Variants in SMAD2 observed in about 807,000 individuals in gnomAD.
The protein encoded by SMAD2 is SMAD family member 2.
Under a neutral mutation model 64.4 loss-of-function variants are expected in SMAD2, and 8 were observed. The observed-to-expected ratio is 0.12, with a 90% confidence interval of 0.07 to 0.22. SMAD2 has a LOEUF of 0.22. SMAD2 is among the 10% of genes least tolerant of loss of function. The pLI is 1.00. For synonymous variants in SMAD2, 203 were observed against 195.8 expected, an observed-to-expected ratio of 1.04 and a Z score of -0.31; for missense variants, 289 against 561.2, an observed-to-expected ratio of 0.51 and a Z score of 4.90.
intron 1 of SMAD2, among the ~76,000 whole-genome samples, chr18:47,908,147 A>G (rs2033978857): frequency 6.6e-6 from 1 of 152,220 alleles, no homozygotes; most frequent in African/African-American, 2.4e-5. Context: ...AAGTGACCAA[A>G]GATGTAAGCT....
At chr18:47,850,227 A>G (rs1211296991) in intron 7 of SMAD2, among the ~76,000 whole-genome samples, 1 of 43,056 alleles carries the variant, frequency 2.3e-5, no homozygotes, top group Non-Finnish European at 4.1e-5. Flanking sequence ...TATGTATAAT[A>G]TATATTATAT....
chr18:47,833,085 A>G lies in SMAD2; in HGVS notation c.*8742T>C, dbSNP rs906273466. 5.3e-6 allele frequency: 1 copy of G among 187,384 alleles called. No individual in the cohort carries two copies. The highest frequency in any genetic ancestry group is 1.1e-5 in the Non-Finnish European group (1 of 88,432). The allele number at this position is 187,384 out of a possible 1,614,324, so 11.6% of individuals were successfully genotyped here. A position where few individuals can be genotyped will look rare whatever the true frequency, so the allele number is the denominator to read the frequency against. ...ATAAAAATTAAAACAATTAAAAATT[A>G]GTCCCATAGTAACATGGTAAACAAC... On this transcript the variant is annotated 3_prime_UTR_variant, in exon 11 of 11. Coordinates refer to ENST00000262160, the MANE Select transcript of SMAD2 (RefSeq NM_005901.6).
chr18:47,837,561 C>CAAAAAAAA lies in SMAD2; in HGVS notation c.*4258_*4265dup, dbSNP rs59129117. ...TGGGCAACAGAGCGAGACTCCCTCTCAAAAAAAAAAAAAAAAAACAAAAAA... is the reference window on the plus strand; with the variant it reads ...TGGGCAACAGAGCGAGACTCCCTCTCAAAAAAAAAAAAAAAAAAAAAAAAAACAAAAAA... On this transcript the variant is annotated 3_prime_UTR_variant, in exon 11 of 11. Transcript: ENST00000262160. The CAAAAAAAA allele has an allele frequency of 1.7e-4, 26 of 154,988 alleles. No individual in the cohort carries two copies. The highest frequency in any genetic ancestry group is 6.4e-4 in the South Asian group (2 of 3,104). The allele number at this position is 154,988 out of a possible 1,614,324, so 9.6% of individuals were successfully genotyped here. A position where few individuals can be genotyped will look rare whatever the true frequency, so the allele number is the denominator to read the frequency against.
chr18:47,919,300 C>T (rs2034460619), intron 1 of SMAD2, among the ~76,000 whole-genome samples: 1 of 151,962 alleles, frequency 6.6e-6, no homozygotes, highest in Admixed American at 6.6e-5. Flanking sequence ...CCCCAACACA[C>T]TCTCCAGGAA....
intron 2 of SMAD2, among the ~76,000 whole-genome samples, chr18:47,871,690 T>C (rs1473001259): frequency 1.3e-5 from 2 of 152,160 alleles, no homozygotes; most frequent in East Asian, 3.9e-4. Flanking sequence ...GGCTGCAAAA[T>C]TTACCAGACT....
intron 10 of SMAD2, 118 bp from the exon 11 acceptor site, chr18:47,842,068 T>C: frequency 2.6e-6 from 3 of 1,149,278 alleles, no homozygotes; most frequent in South Asian, 2.6e-5. Flanking sequence ...GTGTATATAA[T>C]TTTGGACACG....
At chr18:47,908,095 C>A (rs1010445580) in intron 1 of SMAD2, among the ~76,000 whole-genome samples, 2 of 152,218 alleles carry the variant, frequency 1.3e-5, no homozygotes, top group African/African-American at 2.4e-5. Context: ...AAAGCTTCAA[C>A]ATGCCAATGC....
At chr18:47,899,099 A>G (rs2033570222) in intron 1 of SMAD2, among the ~76,000 whole-genome samples, 1 of 152,136 alleles carries the variant, frequency 6.6e-6, no homozygotes, top group Non-Finnish European at 1.5e-5. Flanking sequence ...ACACAAAAGG[A>G]AGAATAGCTA....
chr18:47,893,664 C>T (rs543401455), intron 2 of SMAD2, among the ~76,000 whole-genome samples: 1 of 152,220 alleles, frequency 6.6e-6, no homozygotes, highest in South Asian at 2.1e-4. Context: ...TCCCTGAATT[C>T]CAACTAAATT....
In SMAD2 at chr18:47,837,808, TTGG is replaced by T. The variant is rs776096237; in HGVS notation, c.*4016_*4018del. 5 of 232,922 alleles carry T rather than the reference TTGG, an allele frequency of 2.1e-5. No homozygotes were observed. The highest frequency in any genetic ancestry group is 4.2e-5 in the Non-Finnish European group (5 of 117,874). The allele number at this position is 232,922 out of a possible 1,614,324, so 14.4% of individuals were successfully genotyped here. A position where few individuals can be genotyped will look rare whatever the true frequency, so the allele number is the denominator to read the frequency against. The stretch of plus-strand genomic sequence containing the variant: ...ACAGACTAGATATCTAAAGAGATAC[TTGG>T]TGGGCAGGGGCTTGGGAGGGAAGGC... On this transcript the variant is annotated 3_prime_UTR_variant, in exon 11 of 11. Coordinates refer to ENST00000262160, the MANE Select transcript of SMAD2 (RefSeq NM_005901.6).
Position 47,836,002 on chromosome 18 carries a change from T to C in SMAD2, c.*5825A>G, listed in dbSNP as rs1412451785. On this transcript the variant is annotated 3_prime_UTR_variant, in exon 11 of 11. Transcript: ENST00000262160. ...GCATTATTCTTCCAAGGGACTCTTATATCTAAGCAATGGTGAAGTTCTGGA... is the reference window on the plus strand; with the variant it reads ...GCATTATTCTTCCAAGGGACTCTTACATCTAAGCAATGGTGAAGTTCTGGA... The C allele has an allele frequency of 1.9e-5, 4 of 211,828 alleles. No homozygotes were observed. The highest frequency in any genetic ancestry group is 7.1e-5 in the East Asian group (1 of 14,148). The allele number at this position is 211,828 out of a possible 1,614,324, so 13.1% of individuals were successfully genotyped here. A position where few individuals can be genotyped will look rare whatever the true frequency, so the allele number is the denominator to read the frequency against.
At chr18:47,849,414 G>A (rs1792686) in intron 7 of SMAD2, among the ~76,000 whole-genome samples, 74,127 of 151,510 alleles carry the variant, frequency 0.49, 19,482 homozygotes, top group East Asian at 0.81. Context: ...TTCCAAACAT[G>A]TAACAACCGA....
chr18:47,910,403 T>C (rs72914324), intron 1 of SMAD2, among the ~76,000 whole-genome samples: 104 of 152,350 alleles, frequency 6.8e-4, no homozygotes, highest in Non-Finnish European at 1.1e-3. Flanking sequence ...GTTCTAATTA[T>C]TGAAGGCTGC....
At position 47,839,291 on chromosome 18, in the gene SMAD2, G is replaced by A. The variant is rs1317939263; in HGVS notation, c.*2536C>T. ...ACAGTAATGCAAGAGTAACCACCAAGATCAGGACCTTCTACCACTTTCAGA... is the reference window on the plus strand; with the variant it reads ...ACAGTAATGCAAGAGTAACCACCAAAATCAGGACCTTCTACCACTTTCAGA... On this transcript the variant is annotated 3_prime_UTR_variant, in exon 11 of 11. Coordinates refer to ENST00000262160, the MANE Select transcript of SMAD2 (RefSeq NM_005901.6). 8.6e-6 allele frequency: 2 copies of A among 233,278 alleles called. No homozygotes were observed. The highest frequency in any genetic ancestry group is 1.1e-4 in the Admixed American group (2 of 17,780). 14.5% of individuals were successfully genotyped at this position (233,278 alleles called of 1,614,324 possible). A position where few individuals can be genotyped will look rare whatever the true frequency, so the allele number is the denominator to read the frequency against.
intron 2 of SMAD2, among the ~76,000 whole-genome samples, chr18:47,873,861 G>A (rs1053151416): frequency 6.6e-6 from 1 of 152,114 alleles, no homozygotes; most frequent in African/African-American, 2.4e-5. Context: ...GAACACTGCA[G>A]GGGGGTTGTT....
At chr18:47,867,382 A>ATAAGCAT (rs1031465043) in intron 5 of SMAD2, 3 of 152,132 alleles carry the variant, frequency 2.0e-5, no homozygotes, top group African/African-American at 7.2e-5. Flanking sequence ...TCTTCAATGA[A>ATAAGCAT]TAAGCATTAT....
chr18:47,886,923 CAAA>C (rs11432634), intron 2 of SMAD2: 12 of 126,480 alleles, frequency 9.5e-5, no homozygotes, highest in East Asian at 8.3e-4. Flanking sequence ...TGATTATATG[CAAA>C]AAAAAAAAAA....
chr18:47,869,164 TGGG>T (rs2031775602), intron 4 of SMAD2, 76 bp downstream of exon 4: 7 of 1,000,924 alleles, frequency 7.0e-6, no homozygotes, highest in Non-Finnish European at 3.1e-6. Flanking sequence ...AAAATTTTCC[TGGG>T]TCACAAGAGT....
At chr18:47,913,336 T>G (rs1432716982) in intron 1 of SMAD2, among the ~76,000 whole-genome samples, 1 of 152,218 alleles carries the variant, frequency 6.6e-6, no homozygotes, top group Non-Finnish European at 1.5e-5. Flanking sequence ...GAAACTAACT[T>G]AAGTTTAGGC....
Sources: allele counts gnomAD v4.1 joint callset (sites outside exome capture counted in the v4.1 genomes callset), GRCh38; gene constraint gnomAD v4.1.1; transcripts MANE v1.5; gene names NCBI Gene and HGNC (gene_info 2026-07-23, HGNC 2026-07-21).